DIS3L2: variants seen among roughly 807,000 people sequenced by gnomAD.
DIS3L2 encodes DIS3 like 3'-5' exoribonuclease 2.
In DIS3L2, 34 loss-of-function variants were observed where a neutral mutation model predicts 97.5. The observed-to-expected ratio is 0.35, with a 90% CI of 0.27 to 0.46. DIS3L2 has a LOEUF of 0.46. DIS3L2 is among the 20% of genes least tolerant of loss of function. DIS3L2 has a pLI of 1.00. For missense variants in DIS3L2, 1,038 were observed against 1,146.0 expected, an observed-to-expected ratio of 0.91 and a Z score of 1.36; for synonymous variants, 435 against 445.2, an observed-to-expected ratio of 0.98 and a Z score of 0.29.
At chr2:232,022,078 C>T (rs777476139) in intron 3 of DIS3L2, among the ~76,000 whole-genome samples, 3 of 152,120 alleles carry the variant, frequency 2.0e-5, no homozygotes, top group Non-Finnish European at 2.9e-5. Flanking sequence ...GTGAGTAAGA[C>T]GAGATCTGTG....
intron 9 of DIS3L2, among the ~76,000 whole-genome samples, chr2:232,184,682 G>A (rs1691388453): frequency 6.6e-6 from 1 of 152,132 alleles, no homozygotes; most frequent in Non-Finnish European, 1.5e-5. Flanking sequence ...GAAGCATATA[G>A]TAGTCAGTAA....
At chr2:232,153,832 A>G (rs1690391838) in intron 8 of DIS3L2, among the ~76,000 whole-genome samples, 1 of 151,856 alleles carries the variant, frequency 6.6e-6, no homozygotes, top group Non-Finnish European at 1.5e-5. Context: ...TCACTTTCAG[A>G]GTGACACCAA....
At chr2:231,997,880 C>T (rs1187278176) in intron 1 of DIS3L2, among the ~76,000 whole-genome samples, 1 of 152,132 alleles carries the variant, frequency 6.6e-6, no homozygotes, top group Non-Finnish European at 1.5e-5. Context: ...AGGGAATTAA[C>T]ATTGATATAC....
chr2:231,997,222 A>G (rs1693754109), intron 1 of DIS3L2, among the ~76,000 whole-genome samples: 2 of 152,252 alleles, frequency 1.3e-5, no homozygotes, highest in South Asian at 4.1e-4. Flanking sequence ...CTCTTCCTAC[A>G]ACTGATTTCT....
At chr2:232,050,084 CCTACCTGTTTT>C (rs1461646561) in intron 5 of DIS3L2, among the ~76,000 whole-genome samples, 1 of 152,160 alleles carries the variant, frequency 6.6e-6, no homozygotes, top group Non-Finnish European at 1.5e-5. Context: ...TCACTGATTT[CCTACCTGTTTT>C]CATTGGTTGT....
At chr2:232,237,303 G>A (rs946223128) in intron 10 of DIS3L2, among the ~76,000 whole-genome samples, 13 of 152,076 alleles carry the variant, frequency 8.5e-5, no homozygotes, top group African/African-American at 3.1e-4. Context: ...CCAACTCTCT[G>A]GTAAACCTGG....
chr2:232,294,693 C>T (rs1243604752), intron 13 of DIS3L2, among the ~76,000 whole-genome samples: 1 of 152,200 alleles, frequency 6.6e-6, no homozygotes, highest in African/African-American at 2.4e-5. Context: ...TCCTTGACCT[C>T]TCAGACACTA....
At chr2:232,045,670 C>CTTTTTTTTT (rs35019734) in intron 5 of DIS3L2, among the ~76,000 whole-genome samples, 4 of 99,050 alleles carry the variant, frequency 4.0e-5, no homozygotes, top group Non-Finnish European at 5.8e-5. Flanking sequence ...AAAGGCCTCA[C>CTTTTTTTTT]TTTTTTTTTT....
intron 4 of DIS3L2, among the ~76,000 whole-genome samples, chr2:232,027,328 T>A (rs1156527420): frequency 6.6e-6 from 1 of 152,156 alleles, no homozygotes; most frequent in Non-Finnish European, 1.5e-5. Flanking sequence ...GAAAAATGCC[T>A]GCAGATAGAC....
At chr2:232,200,870 G>A (rs1285705355) in intron 9 of DIS3L2, among the ~76,000 whole-genome samples, 2 of 142,716 alleles carry the variant, frequency 1.4e-5, no homozygotes, top group Non-Finnish European at 3.0e-5. Flanking sequence ...TGCAAACTCC[G>A]CCTCCTGGGT....
At chr2:232,011,695 G>T (rs1376239263) in intron 1 of DIS3L2, among the ~76,000 whole-genome samples, 1 of 150,052 alleles carries the variant, frequency 6.7e-6, no homozygotes, top group East Asian at 2.0e-4. Flanking sequence ...TCACTCTGTT[G>T]CCCAGGCTGG....
intron 1 of DIS3L2, among the ~76,000 whole-genome samples, chr2:231,992,985 G>T (rs997101029): frequency 1.3e-5 from 2 of 151,840 alleles, no homozygotes; most frequent in Admixed American, 1.3e-4. Context: ...TAGGCTGATC[G>T]CATCTGTGTT....
At chr2:232,334,316 G>A in intron 17 of DIS3L2, 53 bp from the exon 18 acceptor site, 1 of 1,589,522 alleles carries the variant, frequency 6.3e-7, no homozygotes, top group Admixed American at 1.7e-5. Context: ...CCCAGCCATA[G>A]CTCTTCCCAG....
intron 9 of DIS3L2, among the ~76,000 whole-genome samples, chr2:232,198,279 A>G (rs1402060870): frequency 6.6e-6 from 1 of 152,190 alleles, no homozygotes; most frequent in Non-Finnish European, 1.5e-5. Context: ...GATTTCTCGT[A>G]TGTTGAAGAC....
chr2:232,134,676 T>A (rs1184447318), intron 7 of DIS3L2, among the ~76,000 whole-genome samples: 1 of 152,024 alleles, frequency 6.6e-6, no homozygotes, highest in Non-Finnish European at 1.5e-5. Flanking sequence ...TAAACAAAAA[T>A]TAGCCAGGCG....
At chr2:232,062,899 A>G (rs1258585370) in intron 5 of DIS3L2, among the ~76,000 whole-genome samples, 1 of 150,954 alleles carries the variant, frequency 6.6e-6, no homozygotes, top group African/African-American at 2.4e-5. Context: ...TTTCACATGG[A>G]TATCTCCAAT....
intron 9 of DIS3L2, among the ~76,000 whole-genome samples, chr2:232,167,395 G>A (rs1384323174): frequency 6.6e-6 from 1 of 152,012 alleles, no homozygotes; most frequent in African/African-American, 2.4e-5. Context: ...TTTACTTTTG[G>A]TGAAAGCAGT....
At chr2:232,280,840 G>A (rs959268665) in intron 13 of DIS3L2, among the ~76,000 whole-genome samples, 8 of 152,230 alleles carry the variant, frequency 5.3e-5, no homozygotes, top group Non-Finnish European at 1.0e-4. Flanking sequence ...CTGTCTTCAA[G>A]AAATGCATGG....
At chr2:232,195,548 G>A (rs1390633135) in intron 9 of DIS3L2, among the ~76,000 whole-genome samples, 2 of 147,792 alleles carry the variant, frequency 1.4e-5, no homozygotes, top group East Asian at 4.0e-4. Context: ...CTGGGGTGGG[G>A]TGCGGTGGGG....
Sources: allele counts gnomAD v4.1 joint callset (sites outside exome capture counted in the v4.1 genomes callset), GRCh38; gene constraint gnomAD v4.1.1; transcripts MANE v1.5; gene names NCBI Gene and HGNC (gene_info 2026-07-23, HGNC 2026-07-21).